Variants in KDM6B observed in about 807,000 individuals in gnomAD.
KDM6B encodes the protein lysine demethylase 6B, also known as lysine-specific demethylase 6B.
Under a neutral mutation model 150.4 loss-of-function variants are expected in KDM6B, and 22 were observed. That is an observed-to-expected ratio of 0.15 (90% CI 0.10 to 0.21). The LOEUF is 0.21. KDM6B is among the 10% of genes least tolerant of loss of function. KDM6B has a pLI of 1.00. For synonymous variants in KDM6B, 1,148 were observed against 921.1 expected (o/e 1.25, Z -4.46); for missense variants, 1,984 against 2,234.3 (o/e 0.89, Z 2.26).
At chr17:7,850,445 A>G (rs1455608106) in intron 14 of KDM6B, among the ~76,000 whole-genome samples, 1 of 152,250 alleles carries the variant, frequency 6.6e-6, no homozygotes, top group Non-Finnish European at 1.5e-5. Context: ...AAAACCCCTG[A>G]AAATCTGTGA....
intron 1 of KDM6B, among the ~76,000 whole-genome samples, chr17:7,838,975 G>A (rs1451102315): frequency 6.6e-6 from 1 of 152,168 alleles, no homozygotes; most frequent in African/African-American, 2.4e-5. Context: ...GGGGCTAGAG[G>A]CCTGAGTCTC....
intron 1 of KDM6B, among the ~76,000 whole-genome samples, chr17:7,835,777 C>A (rs1031213907): frequency 1.5e-4 from 22 of 151,108 alleles, no homozygotes; most frequent in African/African-American, 5.1e-4. Flanking sequence ...CGCGCCCGAG[C>A]ACCCCCTTGC....
At chr17:7,853,151 TC>T in intron 22 of KDM6B, 25 bp downstream of exon 22, 2 of 1,614,074 alleles carry the variant, frequency 1.2e-6, no homozygotes, top group Non-Finnish European at 1.7e-6. Flanking sequence ...TCTGCTGCTC[TC>T]CCTGAGTGTC....
chr17:7,850,902 C>G lies in KDM6B; in HGVS notation c.3674-119C>G, dbSNP rs980437817. ...CTGCCTATTTCTTCTGGGCTGAGCT[C>G]TGCTAAACCTATGACCACCCTGTCA... On this transcript the variant is annotated intron_variant, in intron 14 of 23. Coordinates refer to ENST00000448097, the MANE Select transcript of KDM6B (RefSeq NM_001348716.2). The G allele has an allele frequency of 2.8e-5, 26 of 918,662 alleles. 1 individual carries two copies. The highest frequency in any genetic ancestry group is 4.0e-5 in the Admixed American group (2 of 50,112). 56.9% of individuals were successfully genotyped at this position (918,662 alleles called of 1,614,324 possible). A position where few individuals can be genotyped will look rare whatever the true frequency, so the allele number is the denominator to read the frequency against.
intron 2 of KDM6B, among the ~76,000 whole-genome samples, chr17:7,841,931 C>T (rs1280515199): frequency 6.6e-6 from 1 of 152,208 alleles, no homozygotes; most frequent in African/African-American, 2.4e-5. Flanking sequence ...AGCGTGTAAC[C>T]CCTCGCTTCC....
intron 2 of KDM6B, among the ~76,000 whole-genome samples, chr17:7,841,929 A>T (rs1244412378): frequency 6.6e-6 from 1 of 152,084 alleles, no homozygotes; most frequent in Admixed American, 6.5e-5. Context: ...CGAGCGTGTA[A>T]CCCCTCGCTT....
chr17:7,835,988 C>T (rs1006167766), intron 1 of KDM6B, among the ~76,000 whole-genome samples: 4 of 152,262 alleles, frequency 2.6e-5, no homozygotes, highest in Middle Eastern at 3.2e-3. Flanking sequence ...CCCACACTCC[C>T]AGGTGGGCTG....
Position 7,848,407 on chromosome 17 carries a change from C to T in KDM6B, c.2119C>T (p.Arg707Cys), listed in dbSNP as rs745652951. ...NIMKMLDESI[R>C]KEEEQQQHEA... Reference sequence around the variant, plus strand: ...CATGAAGATGCTGGACGAATCCATTCGCAAGGAAGAGGAACAGCAACAACA... The same window carrying T: ...CATGAAGATGCTGGACGAATCCATTTGCAAGGAAGAGGAACAGCAACAACA... The change falls in exon 12 of 24, where the codon CGC becomes TGC. Residue 707 changes from arginine (R) to cysteine (C), a missense_variant. Transcript: ENST00000448097. 9.3e-6 allele frequency: 15 copies of T among 1,613,092 alleles called. No individual in the cohort carries two copies. Among genetic ancestry groups the T allele is most frequent in the South Asian group, 4.4e-5 (4 of 91,088 alleles).
intron 1 of KDM6B, among the ~76,000 whole-genome samples, chr17:7,835,254 G>C (rs1440107697): frequency 6.6e-6 from 1 of 152,120 alleles, no homozygotes; most frequent in Non-Finnish European, 1.5e-5. Context: ...GGGCACGCGG[G>C]GTGGTTGCTA....
chr17:7,840,833 G>A (rs935685948), intron 2 of KDM6B, among the ~76,000 whole-genome samples: 3 of 152,180 alleles, frequency 2.0e-5, no homozygotes, highest in Admixed American at 6.5e-5. Context: ...TCATTATGAA[G>A]AACCTATGAC....
chr17:7,851,955 C>T lies in KDM6B; in HGVS notation c.4170C>T (p.His1390=). The T allele has an allele frequency of 3.1e-6, 5 of 1,613,706 alleles. No individual in the cohort carries two copies. Among genetic ancestry groups the T allele is most frequent in the Non-Finnish European group, 4.2e-6 (5 of 1,179,844 alleles). Residue 1390 remains histidine, a synonymous_variant, in exon 19 of 24, where the codon CAC becomes CAT. Transcript: ENST00000448097. ...MKVPGSRTPG[H]QENNNFCSVN... is the part of the protein sequence containing the mutation. Reference sequence around the variant, plus strand: ...GTTCTCTGTCGACCCCTGCAGGCCACCAGGAGAATAACAACTTCTGCTCCG... The same window carrying T: ...GTTCTCTGTCGACCCCTGCAGGCCATCAGGAGAATAACAACTTCTGCTCCG...
intron 18 of KDM6B, 75 bp from the exon 19 acceptor site, chr17:7,851,876 A>G: frequency 6.3e-7 from 1 of 1,586,514 alleles, no homozygotes; most frequent in Non-Finnish European, 8.6e-7. Context: ...TCAGCCAATG[A>G]GGGCAGAGGG....
Position 7,834,426 on chromosome 17 carries a change from G to T in KDM6B, c.-388+76G>T, listed in dbSNP as rs548393403. The stretch of plus-strand genomic sequence containing the variant: ...AGCAGGGCAGGACGCCTGAGTCTCT[G>T]GAGGGGTAGAGCTGGGGATGGACGT... On this transcript the variant is annotated intron_variant, in intron 1 of 23. Transcript: ENST00000448097. 3.3e-5 allele frequency among the ~76,000 whole-genome samples: 5 copies of T among 152,244 alleles called. No homozygotes were observed. In the East Asian group the frequency reaches 9.7e-4, roughly 30 times the overall value.
chr17:7,852,956 C>T lies in KDM6B; in HGVS notation c.4611-44C>T, dbSNP rs376666009. The T allele has an allele frequency of 5.6e-6, 9 of 1,612,880 alleles. No homozygotes were observed. In the African/African-American group the frequency reaches 8.0e-5, roughly 14 times the overall value. On this transcript the variant is annotated intron_variant, in intron 21 of 23. Coordinates refer to ENST00000448097, the MANE Select transcript of KDM6B (RefSeq NM_001348716.2). ...CCCTTGCTCCAGCCCTGCCTCAGGC[C>T]TCCTCCTTGCCGGTGGTCTCAACAC...
intron 3 of KDM6B, 57 bp from the exon 4 acceptor site, chr17:7,845,257 C>T (rs988756768): frequency 1.8e-6 from 1 of 549,710 alleles, no homozygotes; most frequent in Non-Finnish European, 3.3e-6. Flanking sequence ...CCATCCCAGC[C>T]CCTGGGCCTT....
chr17:7,841,156 A>G (rs1403974511), intron 2 of KDM6B, among the ~76,000 whole-genome samples: 1 of 152,126 alleles, frequency 6.6e-6, no homozygotes, highest in Non-Finnish European at 1.5e-5. Flanking sequence ...TTTGGGGAGG[A>G]GTAAAAGAAA....
chr17:7,838,094 A>G (rs543223703), intron 1 of KDM6B, among the ~76,000 whole-genome samples: 187 of 150,954 alleles, frequency 1.2e-3, no homozygotes, highest in Non-Finnish European at 2.3e-3. Flanking sequence ...TTTTGAAGCA[A>G]GACCCCAGCC....
intron 21 of KDM6B, 133 bp downstream of exon 21, chr17:7,852,769 G>T: frequency 7.2e-7 from 1 of 1,384,872 alleles, no homozygotes. Context: ...CTGTGTTGGG[G>T]AGGCTAACTA....
chr17:7,854,706 C>T lies in KDM6B; in HGVS notation c.*1185C>T. On this transcript the variant is annotated 3_prime_UTR_variant, in exon 24 of 24. Transcript: ENST00000448097. ...CCTCGCACTGCACTGTCTCTCTGCC[C>T]CAGGGGCAGAGGGGTCTTCCCAACC... 1 of 220,730 alleles carries T rather than the reference C, an allele frequency of 4.5e-6. No homozygotes were observed. Among genetic ancestry groups the T allele is most frequent in the Non-Finnish European group, 9.3e-6 (1 of 107,708 alleles). The allele number at this position is 220,730 out of a possible 1,614,324, so 13.7% of individuals were successfully genotyped here. A position where few individuals can be genotyped will look rare whatever the true frequency, so the allele number is the denominator to read the frequency against.
Sources: allele counts gnomAD v4.1 joint callset (sites outside exome capture counted in the v4.1 genomes callset), GRCh38; gene constraint gnomAD v4.1.1; transcripts MANE v1.5; gene names NCBI Gene and HGNC (gene_info 2026-07-23, HGNC 2026-07-21).